AGTPBP1: variants seen among roughly 807,000 people sequenced by gnomAD.
AGTPBP1 encodes cytosolic carboxypeptidase 1.
In AGTPBP1, 70 loss-of-function variants were observed where a neutral mutation model predicts 143.9. The ratio of observed to expected loss-of-function variants is 0.49; its 90% CI spans 0.40 to 0.59. AGTPBP1 has a LOEUF of 0.59. AGTPBP1 is among the 20% of genes least tolerant of loss of function. The pLI, the probability that AGTPBP1 is intolerant of heterozygous loss-of-function variation, is 0.00. For missense variants in AGTPBP1, 1,229 were observed against 1,464.5 expected (o/e 0.84, Z 2.62); for synonymous variants, 463 against 500.2 (o/e 0.93, Z 0.99).
chr9:85,575,543 A>T, intron 24 of AGTPBP1, 68 bp from the exon 25 acceptor site: 1 of 1,301,900 alleles, frequency 7.7e-7, no homozygotes, highest in South Asian at 1.6e-5. Flanking sequence ...GCTCAATGAA[A>T]TTATATAAAA....
chr9:85,603,916 G>T (rs1005956916), intron 17 of AGTPBP1, among the ~76,000 whole-genome samples: 3 of 152,186 alleles, frequency 2.0e-5, no homozygotes, highest in African/African-American at 7.2e-5. Context: ...AAAAGAGATG[G>T]AAGAGTGGGA....
At chr9:85,598,974 G>A (rs987365793) in intron 17 of AGTPBP1, among the ~76,000 whole-genome samples, 5 of 152,200 alleles carry the variant, frequency 3.3e-5, no homozygotes, top group Admixed American at 6.5e-5. Context: ...CGCCCGCCTC[G>A]GCCTCCCAGA....
At position 85,669,510 on chromosome 9, in the gene AGTPBP1, T is replaced by C; in HGVS notation, c.637A>G (p.Ser213Gly). The change falls in exon 8 of 26, where the codon AGT becomes GGT. Residue 213 changes from serine (S) to glycine (G), a missense_variant. By Grantham distance (56) the Ser-to-Gly change is moderately conservative. Transcript: ENST00000357081. ...TTTATAAGACTGGAATTCTTCTTAC[T>C]AAATGGTCCAATGATTTTAAACATC... The part of the protein sequence containing the change: ...ELMFKIIGPF[S>G]KKNSSLIKVA... 1 of 1,610,844 alleles carries C rather than the reference T, an allele frequency of 6.2e-7. No homozygotes were observed. The highest frequency in any genetic ancestry group is 1.1e-5 in the South Asian group (1 of 90,966).
chr9:85,669,584 A>C lies in AGTPBP1; in HGVS notation c.569-6T>G. ...TAAGGATACTGAATTCACAGCTGAG[A>C]GGGGGAGAAAGAGATGCAAAATTAT... On this transcript the variant is annotated splice_polypyrimidine_tract_variant and splice_region_variant and intron_variant, in intron 7 of 25. Coordinates refer to ENST00000357081, the MANE Select transcript of AGTPBP1 (RefSeq NM_001330701.2). 6.3e-7 allele frequency: 1 copy of C among 1,597,550 alleles called. No homozygotes were observed. Among genetic ancestry groups the C allele is most frequent in the Non-Finnish European group, 8.6e-7 (1 of 1,166,436 alleles).
chr9:85,797,471 A>C, the AGTPBP1 span, among the ~76,000 whole-genome samples: 1 of 152,130 alleles, frequency 6.6e-6, no homozygotes, highest in Non-Finnish European at 1.5e-5. Flanking sequence ...AGAGTTGTGA[A>C]ATTTTGTTCA....
the AGTPBP1 span, among the ~76,000 whole-genome samples, chr9:85,799,180 A>C: frequency 6.6e-6 from 1 of 152,178 alleles, no homozygotes; most frequent in Non-Finnish European, 1.5e-5. Context: ...TTATGGCTGC[A>C]TAGCATTCCA....
At chr9:85,716,846 C>A (rs1837734888) in intron 1 of AGTPBP1, among the ~76,000 whole-genome samples, 1 of 152,164 alleles carries the variant, frequency 6.6e-6, no homozygotes, top group Non-Finnish European at 1.5e-5. Flanking sequence ...ACATAAAAGA[C>A]CCTAGAGGAA....
chr9:85,656,036 C>T (rs1310923926), intron 10 of AGTPBP1, among the ~76,000 whole-genome samples: 1 of 152,152 alleles, frequency 6.6e-6, no homozygotes, highest in Non-Finnish European at 1.5e-5. Context: ...ACCATGTTAG[C>T]CAGGATGGTC....
chr9:85,726,147 T>C (rs1838472575), intron 1 of AGTPBP1, among the ~76,000 whole-genome samples: 1 of 149,926 alleles, frequency 6.7e-6, no homozygotes, highest in Non-Finnish European at 1.5e-5. Flanking sequence ...GAAGGATCGC[T>C]TGAGCCTGGA....
chr9:85,680,068 T>C (rs1835075309), intron 4 of AGTPBP1, among the ~76,000 whole-genome samples: 1 of 152,338 alleles, frequency 6.6e-6, no homozygotes, highest in African/African-American at 2.4e-5. Context: ...CTTTAATAAA[T>C]AATACTAAAT....
intron 1 of AGTPBP1, among the ~76,000 whole-genome samples, chr9:85,726,779 G>A (rs115903185): frequency 5.3e-4 from 80 of 152,104 alleles, no homozygotes; most frequent in African/African-American, 1.9e-3. Flanking sequence ...AAAACAAACA[G>A]AATAAAGATT....
chr9:85,715,829 G>A (rs975773508), intron 1 of AGTPBP1, among the ~76,000 whole-genome samples: 1 of 152,212 alleles, frequency 6.6e-6, no homozygotes, highest in South Asian at 2.1e-4. Context: ...GCTTTGCCAA[G>A]CAAGTGTGAT....
chr9:85,672,425 A>T, intron 7 of AGTPBP1, 125 bp downstream of exon 7: 2 of 1,094,868 alleles, frequency 1.8e-6, no homozygotes, highest in Non-Finnish European at 2.6e-6. Context: ...AGTTAAAATG[A>T]GCCATATTAA....
chr9:85,650,007 T>A (rs890169231), intron 11 of AGTPBP1, among the ~76,000 whole-genome samples: 1 of 151,612 alleles, frequency 6.6e-6, no homozygotes, highest in Non-Finnish European at 1.5e-5. Context: ...CTTACCAGAT[T>A]GTGTTTTCAG....
chr9:85,555,687 G>A (rs988208889), intron 25 of AGTPBP1, among the ~76,000 whole-genome samples: 17 of 152,200 alleles, frequency 1.1e-4, no homozygotes, highest in Non-Finnish European at 1.2e-4. Flanking sequence ...AGCGAGGGGG[G>A]CGAGGTGGCA....
chr9:85,583,251 T>G (rs117529082), intron 23 of AGTPBP1, among the ~76,000 whole-genome samples: 2,303 of 152,246 alleles, frequency 0.015, 35 homozygotes, highest in Non-Finnish European at 0.019. Context: ...TCCATCAATT[T>G]GTTTTGCTAT....
intron 3 of AGTPBP1, among the ~76,000 whole-genome samples, chr9:85,685,600 C>T (rs1835441682): frequency 6.6e-6 from 1 of 151,946 alleles, no homozygotes; most frequent in Non-Finnish European, 1.5e-5. Flanking sequence ...AAAAATCTTC[C>T]ACAGCCAACC....
At chr9:85,624,638 T>C (rs933458020) in intron 14 of AGTPBP1, among the ~76,000 whole-genome samples, 5 of 152,246 alleles carry the variant, frequency 3.3e-5, no homozygotes, top group African/African-American at 1.2e-4. Flanking sequence ...TCCAGAGTTT[T>C]GTTTTCTTTA....
Position 85,592,665 on chromosome 9 carries a change from T to C in AGTPBP1, c.2463A>G (p.Gln821=). 2 of 1,611,820 alleles carry C rather than the reference T, an allele frequency of 1.2e-6. No individual in the cohort carries two copies. The highest frequency in any genetic ancestry group is 1.7e-6 in the Non-Finnish European group (2 of 1,179,200). Residue 821 remains glutamine (Q), a synonymous_variant, in exon 19 of 26, where the codon CAA becomes CAG. Transcript: ENST00000357081. ...TAATTGTATAGTAGGATTTTCCCTT[T>C]TGCCCACCTGCAGCAACTGAACTTC... ...FSRSSVAAGG[Q]KGKSYYTITF...
Sources: allele counts gnomAD v4.1 joint callset (sites outside exome capture counted in the v4.1 genomes callset), GRCh38; gene constraint gnomAD v4.1.1; transcripts MANE v1.5; gene names NCBI Gene and HGNC (gene_info 2026-07-23, HGNC 2026-07-21).